The following CSMD1 variants were observed in gnomAD, a reference collection of about 807,000 sequenced individuals.
CSMD1 encodes CUB and sushi domain-containing protein 1.
CSMD1 carries 213 observed loss-of-function variants against 417.5 expected under a neutral mutation model. That is an observed-to-expected ratio of 0.51 (90% CI 0.46 to 0.57). The LOEUF (loss-of-function observed/expected upper bound fraction) is 0.57. CSMD1 is among the 20% of genes least tolerant of loss of function. CSMD1 has a pLI of 0.00. For missense variants in CSMD1, 6,923 were observed against 4,529.7 expected, an observed-to-expected ratio of 1.53 and a Z score of -15.17; for synonymous variants, 2,862 against 1,736.8, an observed-to-expected ratio of 1.65 and a Z score of -16.11.
chr8:4,837,075 A>C (rs1159295084), intron 1 of CSMD1, among the ~76,000 whole-genome samples: 1 of 151,962 alleles, frequency 6.6e-6, no homozygotes, highest in Non-Finnish European at 1.5e-5. Flanking sequence ...CTGGGACAGA[A>C]AGAAGTGGTA....
At chr8:3,302,116 G>C (rs1417330690) in intron 25 of CSMD1, among the ~76,000 whole-genome samples, 1 of 152,134 alleles carries the variant, frequency 6.6e-6, no homozygotes, top group Non-Finnish European at 1.5e-5. Flanking sequence ...CTTGGAGGGA[G>C]ACAGTAACAC....
chr8:3,943,544 T>C (rs966278174), intron 5 of CSMD1, among the ~76,000 whole-genome samples: 46 of 151,594 alleles, frequency 3.0e-4, no homozygotes, highest in Non-Finnish European at 6.2e-4. Context: ...TCAAAGAATC[T>C]CTCAAAAAAT....
chr8:4,594,630 C>G (rs1389877305), intron 2 of CSMD1, among the ~76,000 whole-genome samples: 2 of 152,104 alleles, frequency 1.3e-5, no homozygotes, highest in Non-Finnish European at 2.9e-5. Flanking sequence ...TGTATTTGAA[C>G]CTGGTCTTTC....
intron 3 of CSMD1, among the ~76,000 whole-genome samples, chr8:4,239,128 A>T: frequency 6.6e-6 from 1 of 152,200 alleles, no homozygotes; most frequent in East Asian, 1.9e-4. Flanking sequence ...GGGTTAAAAC[A>T]ATTTACTCCC....
chr8:4,718,893 A>T (rs1344008362), intron 1 of CSMD1, among the ~76,000 whole-genome samples: 2 of 152,186 alleles, frequency 1.3e-5, no homozygotes, highest in East Asian at 3.8e-4. Flanking sequence ...CGTATCTTTG[A>T]ACTCTATGAC....
chr8:4,530,724 T>A (rs1796769595), intron 2 of CSMD1, among the ~76,000 whole-genome samples: 1 of 151,326 alleles, frequency 6.6e-6, no homozygotes, highest in South Asian at 2.1e-4. Flanking sequence ...ATGTGCCACA[T>A]TTTCTTTATC....
chr8:3,092,788 C>T (rs1461402560), intron 47 of CSMD1, among the ~76,000 whole-genome samples: 2 of 152,162 alleles, frequency 1.3e-5, no homozygotes, highest in African/African-American at 2.4e-5. Flanking sequence ...TTGCCAACAA[C>T]GCTACTCTGT....
chr8:4,210,343 T>C (rs568384146), intron 3 of CSMD1, among the ~76,000 whole-genome samples: 5 of 152,344 alleles, frequency 3.3e-5, no homozygotes, highest in Admixed American at 1.3e-4. Flanking sequence ...GTCAAGTAAG[T>C]TGTATGATAC....
intron 49 of CSMD1, among the ~76,000 whole-genome samples, chr8:3,059,285 G>A (rs1033292570): frequency 1.3e-5 from 2 of 148,598 alleles, no homozygotes; most frequent in Admixed American, 6.7e-5. Flanking sequence ...TAAAAAACCA[G>A]GATAAACGTT....
intron 6 of CSMD1, among the ~76,000 whole-genome samples, chr8:3,722,247 G>T (rs548226986): frequency 6.6e-6 from 1 of 152,140 alleles, no homozygotes; most frequent in African/African-American, 2.4e-5. Flanking sequence ...GGCAGAGATT[G>T]CAGTGAGTCG....
At chr8:3,492,484 T>C (rs767601130) in intron 11 of CSMD1, among the ~76,000 whole-genome samples, 1 of 152,096 alleles carries the variant, frequency 6.6e-6, no homozygotes, top group South Asian at 2.1e-4. Flanking sequence ...TCTGGTTTAG[T>C]GGTTTCAAGA....
intron 27 of CSMD1, among the ~76,000 whole-genome samples, chr8:3,224,499 T>G (rs1798386218): frequency 6.6e-6 from 1 of 152,164 alleles, no homozygotes; most frequent in Non-Finnish European, 1.5e-5. Flanking sequence ...TGAATTACTT[T>G]CCCCATATTT....
chr8:4,802,098 T>C (rs891281209), intron 1 of CSMD1, among the ~76,000 whole-genome samples: 1 of 152,240 alleles, frequency 6.6e-6, no homozygotes, highest in African/African-American at 2.4e-5. Flanking sequence ...AAATATTAAG[T>C]GTCCACAGAC....
intron 1 of CSMD1, among the ~76,000 whole-genome samples, chr8:4,955,931 A>G (rs1809076737): frequency 6.6e-6 from 1 of 152,206 alleles, no homozygotes; most frequent in Non-Finnish European, 1.5e-5. Context: ...CATCCAGGCG[A>G]TTCAGATGAA....
At chr8:3,090,513 G>A (rs1814869141) in intron 48 of CSMD1, among the ~76,000 whole-genome samples, 1 of 152,030 alleles carries the variant, frequency 6.6e-6, no homozygotes, top group Non-Finnish European at 1.5e-5. Context: ...AAATCTTGAT[G>A]CTTTTTACCA....
chr8:4,975,124 T>A (rs1010799446), intron 1 of CSMD1, among the ~76,000 whole-genome samples: 1 of 152,150 alleles, frequency 6.6e-6, no homozygotes, highest in Non-Finnish European at 1.5e-5. Flanking sequence ...ATAAAAAAGA[T>A]AATCAATGTG....
At chr8:3,376,310 T>C (rs10866952) in intron 18 of CSMD1, among the ~76,000 whole-genome samples, 74,289 of 151,836 alleles carry the variant, frequency 0.49, 18,346 homozygotes, top group Admixed American at 0.53. Context: ...ATAATACTTT[T>C]TCAAATGCCA....
Position 4,870,151 on chromosome 8 carries a change from T to A in CSMD1, c.85+124181A>T, listed in dbSNP as rs116313324. 4.6e-3 allele frequency among the ~76,000 whole-genome samples: 696 copies of A among 152,240 alleles called. 7 individuals carry two copies. The highest frequency in any genetic ancestry group is 0.014 in the African/African-American group (590 of 41,528). On this transcript the variant is annotated intron_variant, in intron 1 of 69. Transcript: ENST00000635120. ...AATCTAATTACATATACTTATAAAA[T>A]GTTTAAACATCATGGAAATTTATAA...
At chr8:3,484,602 T>G (rs1817921730) in intron 11 of CSMD1, among the ~76,000 whole-genome samples, 1 of 152,070 alleles carries the variant, frequency 6.6e-6, no homozygotes, top group Admixed American at 6.5e-5. Context: ...TCATCAAAAT[T>G]AAAAGCTTTT....
Sources: gnomAD v4.1 joint callset for allele counts (sites outside exome capture counted in the v4.1 genomes callset) on GRCh38, gnomAD v4.1.1 for gene constraint, MANE v1.5 for transcripts, NCBI Gene and HGNC (gene_info 2026-07-23, HGNC 2026-07-21) for gene names.